Variants in DLG2 observed in about 807,000 individuals in gnomAD.
DLG2 encodes the protein discs large MAGUK scaffold protein 2, also known as disks large homolog 2.
In DLG2, 45 loss-of-function variants were observed where a neutral mutation model predicts 132.5. The ratio of observed to expected loss-of-function variants is 0.34; its 90% CI spans 0.27 to 0.44. DLG2 has a LOEUF of 0.44. Among genes scored for constraint, DLG2 ranks in the 20% least tolerant of loss-of-function variants. The pLI is 1.00. For missense variants in DLG2, 1,045 were observed against 1,196.9 expected (o/e 0.87, Z 1.87); for synonymous variants, 424 against 419.6 (o/e 1.01, Z -0.13).
intron 3 of DLG2, among the ~76,000 whole-genome samples, chr11:85,525,908 T>C (rs1381990912): frequency 6.6e-6 from 1 of 152,170 alleles, no homozygotes; most frequent in Non-Finnish European, 1.5e-5. Context: ...AGGATCCGCC[T>C]TTAGTCTTTA....
chr11:83,679,722 G>A (rs1000126538), intron 18 of DLG2, among the ~76,000 whole-genome samples: 7 of 152,082 alleles, frequency 4.6e-5, no homozygotes, highest in African/African-American at 1.7e-4. Context: ...CTTTCATTGG[G>A]CATCACTTTG....
chr11:85,049,680 G>A (rs2062704856), intron 6 of DLG2, among the ~76,000 whole-genome samples: 3 of 151,998 alleles, frequency 2.0e-5, no homozygotes, highest in Non-Finnish European at 4.4e-5. Context: ...CAGAATGTTA[G>A]GAAATATAAA....
At chr11:85,107,582 C>CATA (rs2152304635) in intron 6 of DLG2, among the ~76,000 whole-genome samples, 1 of 152,104 alleles carries the variant, frequency 6.6e-6, no homozygotes, top group South Asian at 2.1e-4. Context: ...AGAGAGCTAT[C>CATA]ATTCTTCAGC....
At chr11:85,261,836 A>G (rs2076958226) in intron 4 of DLG2, among the ~76,000 whole-genome samples, 1 of 152,120 alleles carries the variant, frequency 6.6e-6, no homozygotes, top group Admixed American at 6.6e-5. Flanking sequence ...GCGGCCCTTA[A>G]AAGTGACATC....
chr11:84,406,655 G>T lies in DLG2; in HGVS notation c.519+127915C>A, dbSNP rs544315132. Among the ~76,000 whole-genome samples the T allele has an allele frequency of 5.3e-5, 8 of 152,250 alleles. No homozygotes were observed. The South Asian group carries it at 1.7e-3, about 32-fold the overall frequency. On this transcript the variant is annotated intron_variant, in intron 7 of 27. Transcript: ENST00000376104. ...ACATCCAACCTACCTTCCTTTTAAGGCTGTTCAAAGAATTCCTCTTGGCCT... is the reference window on the plus strand; with the variant it reads ...ACATCCAACCTACCTTCCTTTTAAGTCTGTTCAAAGAATTCCTCTTGGCCT...
intron 3 of DLG2, among the ~76,000 whole-genome samples, chr11:85,384,069 T>C (rs1463077984): frequency 6.6e-6 from 1 of 152,210 alleles, no homozygotes; most frequent in Non-Finnish European, 1.5e-5. Context: ...CCTAGGATAC[T>C]TTTTATTGAA....
intron 7 of DLG2, among the ~76,000 whole-genome samples, chr11:84,402,868 C>G (rs917690017): frequency 1.3e-4 from 8 of 60,590 alleles, no homozygotes; most frequent in African/African-American, 3.8e-4. Context: ...GGCGACAGAG[C>G]GAAACTCCGT....
intron 6 of DLG2, among the ~76,000 whole-genome samples, chr11:85,096,346 G>A (rs1330892638): frequency 6.6e-6 from 1 of 152,030 alleles, no homozygotes; most frequent in African/African-American, 2.4e-5. Flanking sequence ...CTCACTGCAA[G>A]GGTCTGTGGC....
intron 7 of DLG2, among the ~76,000 whole-genome samples, chr11:84,296,598 C>T (rs930629942): frequency 2.6e-5 from 4 of 152,050 alleles, no homozygotes; most frequent in Admixed American, 2.0e-4. Context: ...ACCACCATGC[C>T]TGGCTATGTT....
At chr11:84,592,996 G>A (rs1358124488) in intron 6 of DLG2, among the ~76,000 whole-genome samples, 6 of 131,342 alleles carry the variant, frequency 4.6e-5, no homozygotes, top group Non-Finnish European at 9.4e-5. Context: ...GTGGGCACCT[G>A]TAGTCCCAGC....
At chr11:83,622,759 G>T (rs932694551) in intron 19 of DLG2, among the ~76,000 whole-genome samples, 1 of 152,072 alleles carries the variant, frequency 6.6e-6, no homozygotes, top group Non-Finnish European at 1.5e-5. Context: ...TTCCACTGTG[G>T]TCTGAAAGTA....
chr11:83,783,652 T>C (rs2153877674), intron 18 of DLG2, among the ~76,000 whole-genome samples: 1 of 152,298 alleles, frequency 6.6e-6, no homozygotes, highest in East Asian at 1.9e-4. Flanking sequence ...ATCAGCTACC[T>C]ATATTTTGTT....
intron 6 of DLG2, among the ~76,000 whole-genome samples, chr11:84,577,911 C>T (rs1042717487): frequency 7.2e-5 from 11 of 152,160 alleles, no homozygotes; most frequent in Admixed American, 5.9e-4. Context: ...GGGCCAGGCC[C>T]AGGGTCCCTG....
chr11:85,420,232 G>C (rs1327561197), intron 3 of DLG2, among the ~76,000 whole-genome samples: 1 of 152,176 alleles, frequency 6.6e-6, no homozygotes, highest in East Asian at 1.9e-4. Flanking sequence ...GTCTACTCCA[G>C]ACCATGTTTG....
intron 3 of DLG2, among the ~76,000 whole-genome samples, chr11:85,577,065 T>G (rs181120818): frequency 2.4e-4 from 36 of 152,238 alleles, no homozygotes; most frequent in African/African-American, 8.7e-4. Context: ...GAGAAGTAGC[T>G]AGGATTCAGA....
intron 18 of DLG2, among the ~76,000 whole-genome samples, chr11:83,709,549 T>C (rs1314362754): frequency 6.6e-6 from 1 of 152,038 alleles, no homozygotes; most frequent in Non-Finnish European, 1.5e-5. Flanking sequence ...ACCACCCCAG[T>C]GCTGGTAATA....
chr11:85,591,527 T>A (rs2079336359), intron 3 of DLG2, among the ~76,000 whole-genome samples: 1 of 152,084 alleles, frequency 6.6e-6, no homozygotes, highest in African/African-American at 2.4e-5. Flanking sequence ...AATCACAAGC[T>A]CAGGAGTTCA....
Position 85,286,106 on chromosome 11 carries a change from T to A in DLG2, c.41-741A>T, listed in dbSNP as rs186516332. On this transcript the variant is annotated intron_variant, in intron 3 of 27. Coordinates refer to ENST00000376104, the MANE Select transcript of DLG2 (RefSeq NM_001142699.3). ...AAAAAAAGTACTGACTTAAGTAACTTTGAAAATGAACAGAGACTATAAAAC... is the reference window on the plus strand; with the variant it reads ...AAAAAAAGTACTGACTTAAGTAACTATGAAAATGAACAGAGACTATAAAAC... The A allele has an allele frequency of 5.1e-5, 23 of 452,598 alleles. 1 individual carries two copies. Among genetic ancestry groups the A allele is most frequent in the African/African-American group, 3.6e-4 (18 of 49,672 alleles). The allele number at this position is 452,598 out of a possible 1,614,324, so 28.0% of individuals were successfully genotyped here.
intron 6 of DLG2, among the ~76,000 whole-genome samples, chr11:84,863,473 G>C (rs929754670): frequency 2.0e-5 from 3 of 152,064 alleles, no homozygotes; most frequent in African/African-American, 7.2e-5. Context: ...CATCTATATT[G>C]ATAACATTGT....
Sources: gnomAD v4.1 joint callset for allele counts (sites outside exome capture counted in the v4.1 genomes callset) on GRCh38, gnomAD v4.1.1 for gene constraint, MANE v1.5 for transcripts, NCBI Gene and HGNC (gene_info 2026-07-23, HGNC 2026-07-21) for gene names.